ZBTB41: variants seen among roughly 807,000 people sequenced by gnomAD.
ZBTB41 encodes zinc finger and BTB domain containing 41.
ZBTB41 carries 42 observed loss-of-function variants against 87.6 expected under a neutral mutation model. The ratio of observed to expected loss-of-function variants is 0.48; its 90% CI spans 0.37 to 0.62. The LOEUF is 0.62. Ranked by LOEUF, ZBTB41 falls within the 20% of genes least tolerant of loss-of-function variation. The probability of loss-of-function intolerance (pLI) is 0.00; values close to 1 mark genes in which losing one functional copy is unlikely to be tolerated. For missense variants in ZBTB41, 799 were observed against 1,078.9 expected, an observed-to-expected ratio of 0.74 and a Z score of 3.63; for synonymous variants, 364 against 364.0, an observed-to-expected ratio of 1.00 and a Z score of 0.00.
In ZBTB41 at chr1:197,185,690, T is replaced by A. The variant is rs190998364; in HGVS notation, c.1546+2602A>T. 9.2e-5 allele frequency among the ~76,000 whole-genome samples: 14 copies of A among 152,134 alleles called. No homozygotes were observed. In the East Asian group the frequency reaches 2.7e-3, roughly 29 times the overall value. On this transcript the variant is annotated intron_variant, in intron 5 of 10. Coordinates refer to ENST00000367405, the MANE Select transcript of ZBTB41 (RefSeq NM_194314.3). ...GACATATACAGTACTCCTTTCAATT[T>A]ATATGACTTTCTTTGCCTAAGCCAA... is the stretch of plus-strand genomic sequence containing the variant.
intron 6 of ZBTB41, among the ~76,000 whole-genome samples, chr1:197,179,786 T>A (rs1463175553): frequency 1.3e-5 from 2 of 151,980 alleles, no homozygotes; most frequent in African/African-American, 4.8e-5. Flanking sequence ...AATTTAAAAA[T>A]ATAAAAAAGC....
chr1:197,181,859 T>C (rs1221432212), intron 5 of ZBTB41, among the ~76,000 whole-genome samples: 1 of 152,186 alleles, frequency 6.6e-6, no homozygotes, highest in Non-Finnish European at 1.5e-5. Flanking sequence ...TAAATTTCAA[T>C]GTGTTTTACA....
chr1:197,172,432 A>G lies in ZBTB41; in HGVS notation c.1986-184T>C, dbSNP rs113363016. Among the ~76,000 whole-genome samples, 645 of 152,060 alleles carry G rather than the reference A, an allele frequency of 4.2e-3. 5 individuals carry two copies. Among genetic ancestry groups the G allele is most frequent in the African/African-American group, 0.015 (629 of 41,536 alleles). ...TCCAAAGAAACATGGAAATACTTTT[A>G]ATATGTTGAGCTTGCCTCTGGTTTT... On this transcript the variant is annotated intron_variant, in intron 9 of 10. Coordinates refer to ENST00000367405, the MANE Select transcript of ZBTB41 (RefSeq NM_194314.3).
At chr1:197,180,860 T>G (rs1193078057) in intron 6 of ZBTB41, 128 bp downstream of exon 6, 18 of 1,041,188 alleles carry the variant, frequency 1.7e-5, no homozygotes, top group African/African-American at 3.3e-5. Flanking sequence ...TTTTTCCTTA[T>G]ATTTCAAACT....
chr1:197,176,556 T>C lies in ZBTB41; in HGVS notation c.1879+8A>G, dbSNP rs373838932. 82 of 1,593,574 alleles carry C rather than the reference T, an allele frequency of 5.1e-5. 1 individual carries two copies. In the East Asian group the frequency reaches 1.2e-3, roughly 23 times the overall value. On this transcript the variant is annotated splice_region_variant and intron_variant, in intron 8 of 10. Transcript: ENST00000367405. Reference sequence around the variant, plus strand: ...ATTTTCGAACTAGCATTACAAAATATGGTATACCTGAATGTATTTTTTTGT... The same window carrying C: ...ATTTTCGAACTAGCATTACAAAATACGGTATACCTGAATGTATTTTTTTGT...
At chr1:197,194,990 T>A (rs1361777828) in intron 2 of ZBTB41, among the ~76,000 whole-genome samples, 2 of 152,188 alleles carry the variant, frequency 1.3e-5, no homozygotes, top group African/African-American at 4.8e-5. Context: ...TTTCTTTGTT[T>A]TTGTTTTGTT....
Position 197,199,591 on chromosome 1 carries a change from A to C in ZBTB41, c.883T>G (p.Ser295Ala). ...FDKEKSDRND[S>A]EDPGSEYNAE... ...TTATATTCACTTCCAGGGTCCTCAG[A>C]ATCATTTCTATCTGACTTTTCCTTA... The change falls in exon 2 of 11, where the codon TCT becomes GCT. Residue 295 changes from serine to alanine, a missense_variant. By Grantham distance (99) the Ser-to-Ala change is moderately conservative. Around this residue, in one of 5 missense-constraint regions of ZBTB41, gnomAD observed 294 missense variants for 340.1 expected, o/e 0.86. Transcript: ENST00000367405. 6.2e-7 allele frequency: 1 copy of C among 1,609,416 alleles called. No individual in the cohort carries two copies. The highest frequency in any genetic ancestry group is 1.1e-5 in the South Asian group (1 of 89,954).
intron 6 of ZBTB41, 21 bp from the exon 7 acceptor site, chr1:197,178,533 T>A (rs183869834): frequency 6.4e-7 from 1 of 1,567,622 alleles, no homozygotes; most frequent in Non-Finnish European, 8.7e-7. Context: ...ATATATAGAT[T>A]CGAGATTTTT....
intron 9 of ZBTB41, 108 bp downstream of exon 9, chr1:197,174,902 A>G: frequency 2.8e-6 from 2 of 713,788 alleles, no homozygotes; most frequent in Non-Finnish European, 4.6e-6. Context: ...GTAGAGAAAG[A>G]GAACTGGTTA....
chr1:197,181,715 T>C (rs1220540985), intron 5 of ZBTB41, among the ~76,000 whole-genome samples: 1 of 152,098 alleles, frequency 6.6e-6, no homozygotes, highest in East Asian at 1.9e-4. Flanking sequence ...TCTCAGTATA[T>C]GGAAGGACAA....
intron 8 of ZBTB41, among the ~76,000 whole-genome samples, 178 bp downstream of exon 8, chr1:197,176,386 A>C (rs1659608266): frequency 6.6e-6 from 1 of 152,108 alleles, no homozygotes; most frequent in Admixed American, 6.6e-5. Context: ...AATATGTCAT[A>C]AACTTATGTC....
rs770997264 is a variant in ZBTB41, at chr1:197,176,634, A to G, written c.1809T>C (p.Tyr603=). 101 of 1,611,958 alleles carry G rather than the reference A, an allele frequency of 6.3e-5. No individual in the cohort carries two copies. The Middle Eastern group carries it at 9.9e-4, about 16-fold the overall frequency. Residue 603 remains tyrosine (Y), a synonymous_variant, in exon 8 of 11, where the codon TAT becomes TAC. Coordinates refer to ENST00000367405, the MANE Select transcript of ZBTB41 (RefSeq NM_194314.3). ...ATGTTTTTCCACATTCATCGCACTC[A>G]TATCTTTTATCATCATGATGTACTC... is the stretch of plus-strand genomic sequence containing the variant. ...HLRVHHDDKR[Y]ECDECGKTFI...
At position 197,157,911 on chromosome 1, in the gene ZBTB41, C is replaced by A. The variant is rs1659108926; in HGVS notation, c.*1448G>T. On this transcript the variant is annotated 3_prime_UTR_variant, in exon 11 of 11. Transcript: ENST00000367405. ...GGCTAGACTTTACAGTTTACACACA[C>A]AAAAAAAGTGCTTAAAGCAATTAGG... 6.6e-6 allele frequency: 1 copy of A among 151,858 alleles called. No individual in the cohort carries two copies. The highest frequency in any genetic ancestry group is 1.5e-5 in the Non-Finnish European group (1 of 67,682). The allele number at this position is 151,858 out of a possible 1,614,324, so 9.4% of individuals were successfully genotyped here. A position where few individuals can be genotyped will look rare whatever the true frequency, so the allele number is the denominator to read the frequency against.
At chr1:197,174,985 T>C (rs780626260) in intron 9 of ZBTB41, 25 bp downstream of exon 9, 10 of 1,580,460 alleles carry the variant, frequency 6.3e-6, no homozygotes, top group Middle Eastern at 1.7e-4. Flanking sequence ...ATGTAAACTA[T>C]GAGACATTTT....
chr1:197,187,646 A>T (rs2125136319), intron 5 of ZBTB41, among the ~76,000 whole-genome samples: 1 of 152,240 alleles, frequency 6.6e-6, no homozygotes, highest in African/African-American at 2.4e-5. Context: ...GAATCCACAG[A>T]CATGGCACTT....
chr1:197,199,614 T>A lies in ZBTB41; in HGVS notation c.860A>T (p.Lys287Met), dbSNP rs1410817051. ...SDNLNQENFD[K>M]EKSDRNDSED... Reference sequence around the variant, plus strand: ...AGAATCATTTCTATCTGACTTTTCCTTATCAAAATTTTCTTGATTCAAATT... The same window carrying A: ...AGAATCATTTCTATCTGACTTTTCCATATCAAAATTTTCTTGATTCAAATT... The change falls in exon 2 of 11, where the codon AAG becomes ATG. Residue 287 changes from lysine (K) to methionine (M), a missense_variant. Physicochemically the swap from Lys to Met is moderately conservative, Grantham distance 95 (BLOSUM62 -1). Coordinates refer to ENST00000367405, the MANE Select transcript of ZBTB41 (RefSeq NM_194314.3). 1 of 1,610,612 alleles carries A rather than the reference T, an allele frequency of 6.2e-7. No individual in the cohort carries two copies. The highest frequency in any genetic ancestry group is 8.5e-7 in the Non-Finnish European group (1 of 1,179,252).
chr1:197,199,958 C>T lies in ZBTB41; in HGVS notation c.516G>A (p.Lys172=), dbSNP rs200367413. 17 of 1,613,316 alleles carry T rather than the reference C, an allele frequency of 1.1e-5. No individual in the cohort carries two copies. Among genetic ancestry groups the T allele is most frequent in the Middle Eastern group, 3.3e-4 (2 of 6,084 alleles). ...GGGCAACATTTTCGTTATTTAACAA[C>T]TTCACTGCATCTATAATGTCCAAAA... ...AKFLDIIDAV[K]LLNNENVAPF... The change falls in exon 2 of 11, where the codon AAG becomes AAA. Residue 172 remains lysine (K), a synonymous_variant. Coordinates refer to ENST00000367405, the MANE Select transcript of ZBTB41 (RefSeq NM_194314.3).
At position 197,199,471 on chromosome 1, in the gene ZBTB41, GTTC is replaced by G. The variant is rs757398262; in HGVS notation, c.1000_1002del (p.Glu334del). On this transcript the variant is annotated inframe_deletion, in exon 2 of 11. Coordinates refer to ENST00000367405, the MANE Select transcript of ZBTB41 (RefSeq NM_194314.3). ...TTTCCTACAGAATCACCAGCCTCAG[GTTC>G]TTCTTCTGCATCATTATGATCCTTT... 4 of 1,612,996 alleles carry G rather than the reference GTTC, an allele frequency of 2.5e-6. No homozygotes were observed. The highest frequency in any genetic ancestry group is 1.7e-5 in the Admixed American group (1 of 59,806).
Position 197,199,607 on chromosome 1 carries a change from C to T in ZBTB41, c.867G>A (p.Lys289=). 1.9e-6 allele frequency: 3 copies of T among 1,610,492 alleles called. No individual in the cohort carries two copies. The highest frequency in any genetic ancestry group is 2.5e-6 in the Non-Finnish European group (3 of 1,179,112). ...NLNQENFDKE[K]SDRNDSEDPG... ...GGTCCTCAGAATCATTTCTATCTGACTTTTCCTTATCAAAATTTTCTTGAT... is the reference window on the plus strand; with the variant it reads ...GGTCCTCAGAATCATTTCTATCTGATTTTTCCTTATCAAAATTTTCTTGAT... Residue 289 remains lysine, a synonymous_variant, in exon 2 of 11, where the codon AAG becomes AAA. Coordinates refer to ENST00000367405, the MANE Select transcript of ZBTB41 (RefSeq NM_194314.3).
Sources: gnomAD v4.1 joint callset for allele counts (sites outside exome capture counted in the v4.1 genomes callset) on GRCh38, gnomAD v4.1.1 for gene constraint, gnomAD v4.1.1 regional missense constraint, MANE v1.5 for transcripts, NCBI Gene and HGNC (gene_info 2026-07-23, HGNC 2026-07-21) for gene names.